JAK1: variants seen among roughly 807,000 people sequenced by gnomAD.
JAK1 encodes the protein tyrosine-protein kinase JAK1.
A neutral mutation model predicts 136.6 loss-of-function variants in JAK1; 16 were observed. The ratio of observed to expected loss-of-function variants is 0.12; its 90% confidence interval spans 0.08 to 0.18. The LOEUF (loss-of-function observed/expected upper bound fraction) is 0.18, where lower values mean the gene tolerates loss of function less well. JAK1 is among the 10% of genes least tolerant of loss of function. The pLI is 1.00. For synonymous variants in JAK1, 492 were observed against 519.5 expected, an observed-to-expected ratio of 0.95 and a Z score of 0.72; for missense variants, 859 against 1,450.1, an observed-to-expected ratio of 0.59 and a Z score of 6.62.
chr1:64,921,724 T>A (rs549927651), intron 1 of JAK1, among the ~76,000 whole-genome samples: 1 of 152,074 alleles, frequency 6.6e-6, no homozygotes, highest in African/African-American at 2.4e-5. Flanking sequence ...GTTGTGATTA[T>A]ACTATTGGGA....
At chr1:64,944,717 T>C (rs1645952700) in intron 1 of JAK1, among the ~76,000 whole-genome samples, 1 of 152,050 alleles carries the variant, frequency 6.6e-6, no homozygotes, top group Non-Finnish European at 1.5e-5. Flanking sequence ...TATGAAACAT[T>C]ATGCAGTATA....
chr1:64,975,976 G>C (rs1284358108), intron 2 of JAK1, among the ~76,000 whole-genome samples: 1 of 152,170 alleles, frequency 6.6e-6, no homozygotes, highest in Non-Finnish European at 1.5e-5. Flanking sequence ...TGTGTCCCCT[G>C]GCAAGAGTAC....
intron 1 of JAK1, among the ~76,000 whole-genome samples, chr1:64,940,290 A>AG (rs1416689918): frequency 6.6e-6 from 1 of 151,854 alleles, no homozygotes; most frequent in Non-Finnish European, 1.5e-5. Context: ...CATCATTTAC[A>AG]GAAGACCTAG....
At chr1:65,011,426 G>A (rs542002002) in intron 2 of JAK1, among the ~76,000 whole-genome samples, 1 of 152,058 alleles carries the variant, frequency 6.6e-6, no homozygotes, top group South Asian at 2.1e-4. Flanking sequence ...TAGCAGCCTG[G>A]GTGGCAGAGC....
rs942209318 is a variant in JAK1, at chr1:64,860,097, G to A, written c.1334+8C>T. On this transcript the variant is annotated splice_region_variant and intron_variant, in intron 9 of 24. Coordinates refer to ENST00000342505, the MANE Select transcript of JAK1 (RefSeq NM_002227.4). ...ACCAAAGGCAACTGATAAGGTTCTA[G>A]GACCAACCAGATTGGACCATGACAG... 2.6e-6 allele frequency: 4 copies of A among 1,562,634 alleles called. No individual in the cohort carries two copies. Among genetic ancestry groups the A allele is most frequent in the Non-Finnish European group, 3.5e-6 (4 of 1,148,488 alleles).
intron 6 of JAK1, 25 bp downstream of exon 6, chr1:64,869,286 T>A (rs1656920451): frequency 6.2e-7 from 1 of 1,606,784 alleles, no homozygotes. Context: ...TCACAATCAA[T>A]TCTTCAGCCA....
chr1:64,942,587 G>A (rs1356260331), intron 1 of JAK1, among the ~76,000 whole-genome samples: 2 of 152,130 alleles, frequency 1.3e-5, no homozygotes, highest in Non-Finnish European at 2.9e-5. Flanking sequence ...CAAGAGTAGT[G>A]GTCTGGCATC....
chr1:65,021,420 G>A (rs1646935828), intron 2 of JAK1, among the ~76,000 whole-genome samples: 1 of 152,176 alleles, frequency 6.6e-6, no homozygotes, highest in Non-Finnish European at 1.5e-5. Context: ...ACTTCAGCAG[G>A]ATGTGTTTTA....
intron 2 of JAK1, among the ~76,000 whole-genome samples, chr1:65,018,968 G>A (rs1193096390): frequency 2.6e-5 from 4 of 152,220 alleles, no homozygotes; most frequent in South Asian, 4.1e-4. Flanking sequence ...CCAAGATCGC[G>A]CCACTGCCCT....
intron 1 of JAK1, 61 bp from the exon 2 acceptor site, chr1:64,886,402 G>T: frequency 1.1e-6 from 1 of 946,766 alleles, no homozygotes; most frequent in South Asian, 2.1e-5. Flanking sequence ...AAAATAAGAG[G>T]GCATTTTCAT....
intron 14 of JAK1, 64 bp downstream of exon 14, chr1:64,846,585 C>T: frequency 5.8e-6 from 7 of 1,215,586 alleles, no homozygotes; most frequent in Non-Finnish European, 8.5e-6. Flanking sequence ...GAGCCTCCAC[C>T]ATCTCCACAG....
At chr1:64,933,203 T>G (rs1398154193) in intron 1 of JAK1, among the ~76,000 whole-genome samples, 1 of 152,218 alleles carries the variant, frequency 6.6e-6, no homozygotes, top group Non-Finnish European at 1.5e-5. Flanking sequence ...ACAAAGAAGT[T>G]AGGTTTTACT....
At chr1:65,017,302 C>G (rs542998029) in intron 2 of JAK1, among the ~76,000 whole-genome samples, 10 of 152,108 alleles carry the variant, frequency 6.6e-5, no homozygotes, top group African/African-American at 2.4e-4. Flanking sequence ...AACCCTGTCT[C>G]TACTAAAAAT....
At chr1:64,952,742 T>C (rs2100584895) in intron 1 of JAK1, among the ~76,000 whole-genome samples, 1 of 152,272 alleles carries the variant, frequency 6.6e-6, no homozygotes, top group South Asian at 2.1e-4. Context: ...AGATAACTTA[T>C]GGGGCTGTTT....
chr1:64,848,827 G>C (rs967999044), intron 12 of JAK1, among the ~76,000 whole-genome samples: 1 of 152,160 alleles, frequency 6.6e-6, no homozygotes, highest in Non-Finnish European at 1.5e-5. Context: ...ATCCCCCATA[G>C]GAACATACAC....
intron 1 of JAK1, among the ~76,000 whole-genome samples, chr1:64,914,714 C>T (rs1461459921): frequency 6.6e-6 from 1 of 152,112 alleles, no homozygotes; most frequent in Non-Finnish European, 1.5e-5. Context: ...CAGGTGTGCA[C>T]CACCATGCCC....
At chr1:65,016,174 T>G (rs775906088) in intron 2 of JAK1, among the ~76,000 whole-genome samples, 6 of 152,158 alleles carry the variant, frequency 3.9e-5, no homozygotes, top group Non-Finnish European at 7.4e-5. Flanking sequence ...AGACGCAAGT[T>G]TGTCAGGGGC....
chr1:64,982,489 T>G (rs1250316374), intron 2 of JAK1, among the ~76,000 whole-genome samples: 1 of 152,158 alleles, frequency 6.6e-6, no homozygotes. Flanking sequence ...TTCAGATTAT[T>G]GCAATCAGCC....
chr1:64,961,640 C>T (rs906385838), intron 1 of JAK1, among the ~76,000 whole-genome samples: 2 of 152,148 alleles, frequency 1.3e-5, no homozygotes, highest in African/African-American at 4.8e-5. Flanking sequence ...CTGCCACTGA[C>T]ACCACGTACA....
Sources: gnomAD v4.1 joint callset for allele counts (sites outside exome capture counted in the v4.1 genomes callset) on GRCh38, gnomAD v4.1.1 for gene constraint, MANE v1.5 for transcripts, NCBI Gene and HGNC (gene_info 2026-07-23, HGNC 2026-07-21) for gene names.